Variants in CDH18 observed in about 807,000 individuals in gnomAD.
CDH18 encodes the protein cadherin 18.
CDH18 carries 31 observed loss-of-function variants against 67.9 expected under a neutral mutation model. The observed-to-expected ratio is 0.46, with a 90% CI of 0.34 to 0.62. CDH18 has a LOEUF of 0.62. CDH18 is among the 20% of genes least tolerant of loss of function. CDH18 has a pLI of 0.01. For missense variants in CDH18, 890 were observed against 975.5 expected (o/e 0.91, Z 1.17); for synonymous variants, 362 against 347.2 (o/e 1.04, Z -0.48).
At chr5:20,191,266 A>G (rs980413132) in intron 2 of CDH18, among the ~76,000 whole-genome samples, 1 of 152,150 alleles carries the variant, frequency 6.6e-6, no homozygotes, top group Admixed American at 6.5e-5. Context: ...TTGATGGTGG[A>G]AAATGCCAAA....
rs1166778216 is a variant in CDH18 at position 19,774,805 on chromosome 5, T to C, written c.229-27569A>G. Among the ~76,000 whole-genome samples, 5 of 35,438 alleles carry C rather than the reference T, an allele frequency of 1.4e-4. No individual in the cohort carries two copies. In the East Asian group the frequency reaches 3.4e-3, roughly 24 times the overall value. The allele number at this position is 35,438 out of a possible 152,430, so 23.2% of individuals were successfully genotyped here. ...GCCTGAGTGACAGAGCAAGACTCTG[T>C]CTCAAAAAAAAAAAAAAAAAAAAAA... is the stretch of plus-strand genomic sequence containing the variant. On this transcript the variant is annotated intron_variant, in intron 3 of 12. Coordinates refer to ENST00000382275, the MANE Select transcript of CDH18 (RefSeq NM_004934.5).
chr5:19,590,169 C>T (rs555617003), intron 7 of CDH18, among the ~76,000 whole-genome samples: 2 of 152,014 alleles, frequency 1.3e-5, no homozygotes, highest in Non-Finnish European at 2.9e-5. Flanking sequence ...AAAATAAATA[C>T]ATTTGTTAAA....
At chr5:20,558,560 T>C (rs1758037825) in intron 1 of CDH18, among the ~76,000 whole-genome samples, 1 of 152,036 alleles carries the variant, frequency 6.6e-6, no homozygotes, top group Non-Finnish European at 1.5e-5. Context: ...GTCTGGTGGT[T>C]TGGTAGCTGA....
chr5:19,494,271 C>G (rs1408988689), intron 11 of CDH18, among the ~76,000 whole-genome samples: 1 of 152,156 alleles, frequency 6.6e-6, no homozygotes, highest in Admixed American at 6.6e-5. Context: ...TATTATGACT[C>G]ATTACATTGC....
At chr5:19,563,337 G>A (rs1580227837) in intron 8 of CDH18, among the ~76,000 whole-genome samples, 1 of 152,142 alleles carries the variant, frequency 6.6e-6, no homozygotes, top group East Asian at 1.9e-4. Flanking sequence ...TTCATCTATA[G>A]AATGGAATCA....
chr5:20,175,644 T>G (rs1737174236), intron 2 of CDH18, among the ~76,000 whole-genome samples: 1 of 152,146 alleles, frequency 6.6e-6, no homozygotes, highest in South Asian at 2.1e-4. Context: ...ACAGAACTAA[T>G]ATGATATATA....
Position 19,473,143 on chromosome 5 carries a change from C to A in CDH18, c.*83G>T. Reference sequence around the variant, plus strand: ...GCTTCCTCAGTTCCAAGTACTGTTTCCACACTTCTTCCTTGTCATTGCTGA... The same window carrying A: ...GCTTCCTCAGTTCCAAGTACTGTTTACACACTTCTTCCTTGTCATTGCTGA... On this transcript the variant is annotated 3_prime_UTR_variant, in exon 13 of 13. Coordinates refer to ENST00000382275, the MANE Select transcript of CDH18 (RefSeq NM_004934.5). The A allele has an allele frequency of 6.5e-7, 1 of 1,530,480 alleles. No homozygotes were observed. The highest frequency in any genetic ancestry group is 8.8e-7 in the Non-Finnish European group (1 of 1,133,798). The allele number at this position is 1,530,480 out of a possible 1,614,324, so 94.8% of individuals were successfully genotyped here. A position where few individuals can be genotyped will look rare whatever the true frequency, so the allele number is the denominator to read the frequency against.
In CDH18 at chr5:20,548,439, T is replaced by TTGTGTGTGTG. The variant is rs70954668; in HGVS notation, c.-580+27013_-580+27022dup. 3.8e-3 allele frequency among the ~76,000 whole-genome samples: 563 copies of TTGTGTGTGTG among 146,834 alleles called. 4 individuals carry two copies. The highest frequency in any genetic ancestry group is 9.1e-3 in the African/African-American group (365 of 40,128). On this transcript the variant is annotated intron_variant, in intron 1 of 14. Coordinates refer to the CDH18 transcript ENST00000507958. ...GATTGTCAGGTAATAGAGAACATGT[T>TTGTGTGTGTG]TGTGTGTGTGTGTGTGTGTGTGTGT...
At chr5:20,044,054 A>G (rs1740688114) in intron 2 of CDH18, among the ~76,000 whole-genome samples, 2 of 152,330 alleles carry the variant, frequency 1.3e-5, no homozygotes, top group Admixed American at 6.5e-5. Flanking sequence ...TTTCCTGTAC[A>G]TAATAGGCAC....
Position 20,296,772 on chromosome 5 carries a change from T to C in CDH18, c.-579-41267A>G, listed in dbSNP as rs868226997. On this transcript the variant is annotated intron_variant, in intron 1 of 14. Coordinates refer to the CDH18 transcript ENST00000507958. ...CACATTTTAAATATTTTGAACCTGATATATAATTCTAGAAACCATTGTGAG... is the reference window on the plus strand; with the variant it reads ...CACATTTTAAATATTTTGAACCTGACATATAATTCTAGAAACCATTGTGAG... Among the ~76,000 whole-genome samples the C allele has an allele frequency of 1.3e-4, 19 of 151,986 alleles. No individual in the cohort carries two copies. In the Middle Eastern group the frequency reaches 0.01, roughly 83 times the overall value.
At chr5:19,788,831 G>A (rs1157350512) in intron 3 of CDH18, among the ~76,000 whole-genome samples, 1 of 152,150 alleles carries the variant, frequency 6.6e-6, no homozygotes, top group Non-Finnish European at 1.5e-5. Context: ...TGAACCCTTA[G>A]GAATTGATTT....
At chr5:19,679,418 A>C (rs1247961144) in intron 5 of CDH18, among the ~76,000 whole-genome samples, 1 of 151,962 alleles carries the variant, frequency 6.6e-6, no homozygotes, top group Admixed American at 6.6e-5. Context: ...TGCTCTTGCC[A>C]CTCCTATTCA....
chr5:20,154,264 A>T (rs1343623884), intron 2 of CDH18, among the ~76,000 whole-genome samples: 1 of 152,182 alleles, frequency 6.6e-6, no homozygotes, highest in Non-Finnish European at 1.5e-5. Flanking sequence ...CTTTGTCTTC[A>T]GATGCAAATT....
chr5:20,253,478 A>G (rs751390418), intron 2 of CDH18, among the ~76,000 whole-genome samples: 47 of 152,222 alleles, frequency 3.1e-4, no homozygotes, highest in Non-Finnish European at 5.3e-4. Flanking sequence ...AGATTCAGGA[A>G]AACATTCAAA....
At chr5:20,295,872 C>CTTTTTT in intron 1 of CDH18, among the ~76,000 whole-genome samples, 1 of 109,976 alleles carries the variant, frequency 9.1e-6, no homozygotes, top group Non-Finnish European at 1.8e-5. Flanking sequence ...TCTTTTTTTT[C>CTTTTTT]TTTTTTTTTT....
intron 2 of CDH18, among the ~76,000 whole-genome samples, chr5:20,152,819 C>T (rs1751227217): frequency 1.3e-5 from 2 of 151,932 alleles, no homozygotes; most frequent in African/African-American, 4.8e-5. Flanking sequence ...TTTCCAAAGG[C>T]TAATAAATTT....
intron 2 of CDH18, among the ~76,000 whole-genome samples, chr5:20,049,207 T>C (rs1741183868): frequency 6.6e-6 from 1 of 151,654 alleles, no homozygotes; most frequent in Non-Finnish European, 1.5e-5. Context: ...AGGGACATTC[T>C]AGAAGAGCGT....
chr5:20,453,551 GTATGTGTGTGTGTATATATA>G (rs1750624432), intron 1 of CDH18, among the ~76,000 whole-genome samples: 1 of 137,348 alleles, frequency 7.3e-6, no homozygotes, highest in Non-Finnish European at 1.6e-5. Flanking sequence ...GTGTGTATAT[GTATGTGTGTGTGTATATATA>G]TATGTGTGTG....
At chr5:20,135,123 C>T (rs895664850) in intron 2 of CDH18, among the ~76,000 whole-genome samples, 9 of 152,120 alleles carry the variant, frequency 5.9e-5, no homozygotes, top group Non-Finnish European at 1.2e-4. Context: ...ATAGCTGACC[C>T]TAGAGACTAT....
Sources: allele counts gnomAD v4.1 joint callset (sites outside exome capture counted in the v4.1 genomes callset), GRCh38; gene constraint gnomAD v4.1.1; transcripts MANE v1.5; gene names NCBI Gene and HGNC (gene_info 2026-07-23, HGNC 2026-07-21).